AGBL1: variants seen among roughly 807,000 people sequenced by gnomAD.
AGBL1 encodes cytosolic carboxypeptidase 4.
Under a neutral mutation model 118.9 loss-of-function variants are expected in AGBL1, and 130 were observed. That is an observed-to-expected ratio of 1.09 (90% CI 0.95 to 1.26). AGBL1 has a LOEUF of 1.26. AGBL1 is among the 50% of genes most tolerant of loss of function. The pLI is 0.00. For missense variants in AGBL1, 1,584 were observed against 1,298.1 expected, an observed-to-expected ratio of 1.22 and a Z score of -3.38; for synonymous variants, 555 against 478.9, an observed-to-expected ratio of 1.16 and a Z score of -2.08.
chr15:86,478,984 A>G (rs2082605135), intron 18 of AGBL1, among the ~76,000 whole-genome samples: 1 of 152,228 alleles, frequency 6.6e-6, no homozygotes, highest in South Asian at 2.1e-4. Flanking sequence ...AAATGGGGAA[A>G]GGATTCCCTG....
chr15:86,173,318 G>A (rs1597492346), intron 5 of AGBL1: 1 of 151,888 alleles, frequency 6.6e-6, no homozygotes, highest in Non-Finnish European at 1.5e-5. Flanking sequence ...CTATTGAATT[G>A]GGTTCCTTGT....
In AGBL1 at chr15:86,857,702, C is replaced by G. The variant is rs1170762368; in HGVS notation, c.3159-49385C>G. On this transcript the variant is annotated intron_variant, in intron 22 of 22. Coordinates refer to ENST00000614907, the MANE Select transcript of AGBL1 (RefSeq NM_001386094.1). ...TCTTTCATTCAGACCTGGCTCCGTA[C>G]TAGGCTCTGAGATGCAGGAGGGCAA... Among the ~76,000 whole-genome samples, 3 of 152,168 alleles carry G rather than the reference C, an allele frequency of 2.0e-5. No individual in the cohort carries two copies. In the South Asian group the frequency reaches 6.2e-4, roughly 32 times the overall value.
intron 1 of AGBL1, among the ~76,000 whole-genome samples, chr15:86,084,615 G>C (rs1449254888): frequency 1.3e-5 from 2 of 152,128 alleles, no homozygotes; most frequent in African/African-American, 4.8e-5. Flanking sequence ...TTATTTTGAG[G>C]ATATTACCTT....
chr15:86,697,377 G>A (rs750988806), intron 22 of AGBL1, among the ~76,000 whole-genome samples: 8 of 151,790 alleles, frequency 5.3e-5, no homozygotes, highest in South Asian at 2.1e-4. Context: ...TTGCTTGTTC[G>A]ATTCTATTGC....
At chr15:87,027,886 G>A (rs376109520) in intron 24 of AGBL1, among the ~76,000 whole-genome samples, 27 of 152,006 alleles carry the variant, frequency 1.8e-4, no homozygotes, top group African/African-American at 6.0e-4. Context: ...CTCTCGAGGG[G>A]TGTAGGTGAG....
At chr15:86,555,344 G>T (rs2083719364) in intron 21 of AGBL1, among the ~76,000 whole-genome samples, 1 of 152,126 alleles carries the variant, frequency 6.6e-6, no homozygotes, top group African/African-American at 2.4e-5. Flanking sequence ...TCATTGTGTT[G>T]GCTTTGATAG....
chr15:86,562,390 A>G (rs1200152530), intron 21 of AGBL1, among the ~76,000 whole-genome samples: 1 of 152,134 alleles, frequency 6.6e-6, no homozygotes, highest in Non-Finnish European at 1.5e-5. Context: ...TTCTGCATCT[A>G]TTGAGATAAT....
intron 22 of AGBL1, among the ~76,000 whole-genome samples, chr15:86,723,578 C>T (rs1470051796): frequency 6.6e-6 from 1 of 152,022 alleles, no homozygotes; most frequent in Non-Finnish European, 1.5e-5. Context: ...ATGGGTGCAG[C>T]ACACCAACAT....
At chr15:86,732,399 A>G (rs2077537906) in intron 22 of AGBL1, among the ~76,000 whole-genome samples, 1 of 152,180 alleles carries the variant, frequency 6.6e-6, no homozygotes, top group South Asian at 2.1e-4. Context: ...GTTTGTAACT[A>G]TGTAGCTGCC....
intron 17 of AGBL1, among the ~76,000 whole-genome samples, chr15:86,340,134 C>G (rs1254791200): frequency 3.3e-5 from 5 of 152,084 alleles, no homozygotes; most frequent in Non-Finnish European, 5.9e-5. Flanking sequence ...ATTGATTGCT[C>G]TCTTTCAGGA....
intron 21 of AGBL1, among the ~76,000 whole-genome samples, chr15:86,635,990 C>T (rs2085075560): frequency 6.6e-6 from 1 of 152,072 alleles, no homozygotes; most frequent in Non-Finnish European, 1.5e-5. Flanking sequence ...GATTTAATGA[C>T]ACATTGGATT....
At chr15:86,782,718 G>A (rs540272981) in intron 22 of AGBL1, among the ~76,000 whole-genome samples, 2 of 151,820 alleles carry the variant, frequency 1.3e-5, no homozygotes, top group African/African-American at 4.9e-5. Flanking sequence ...GTGGCAATAG[G>A]GAAGTAAGAA....
At chr15:86,453,069 T>C (rs937398360) in intron 18 of AGBL1, among the ~76,000 whole-genome samples, 1 of 152,212 alleles carries the variant, frequency 6.6e-6, no homozygotes. Flanking sequence ...GTGGTGTGTT[T>C]ATTGTGTTTC....
intron 3 of AGBL1, among the ~76,000 whole-genome samples, chr15:86,147,131 G>T (rs1048024060): frequency 2.0e-5 from 3 of 152,160 alleles, no homozygotes; most frequent in Non-Finnish European, 4.4e-5. Context: ...TATTAGAGGG[G>T]AAATAGGGGG....
At chr15:86,773,812 T>C (rs2078215052) in intron 22 of AGBL1, among the ~76,000 whole-genome samples, 1 of 151,968 alleles carries the variant, frequency 6.6e-6, no homozygotes, top group Non-Finnish European at 1.5e-5. Context: ...GCTAGGTGTG[T>C]ATGGAAAAGA....
chr15:86,620,327 G>A (rs748266253), intron 21 of AGBL1, among the ~76,000 whole-genome samples: 15 of 152,128 alleles, frequency 9.9e-5, no homozygotes, highest in East Asian at 5.8e-4. Context: ...GACTTCACTC[G>A]TGGAAAAGCG....
intron 5 of AGBL1, among the ~76,000 whole-genome samples, chr15:86,193,833 C>T (rs144482521): frequency 6.8e-4 from 103 of 152,314 alleles, no homozygotes; most frequent in African/African-American, 2.0e-3. Flanking sequence ...TAACCAACCT[C>T]TTGTCATAAA....
At chr15:86,847,181 T>G (rs990587897) in intron 22 of AGBL1, among the ~76,000 whole-genome samples, 11 of 152,238 alleles carry the variant, frequency 7.2e-5, no homozygotes, top group Admixed American at 7.2e-4. Flanking sequence ...AGCATAGTGT[T>G]GTTTAGTCCT....
intron 18 of AGBL1, among the ~76,000 whole-genome samples, chr15:86,520,913 G>C (rs987924953): frequency 6.6e-6 from 1 of 152,076 alleles, no homozygotes; most frequent in Non-Finnish European, 1.5e-5. Flanking sequence ...TGTTGCTATC[G>C]GCATTGAAAA....
Sources: gnomAD v4.1 joint callset for allele counts (sites outside exome capture counted in the v4.1 genomes callset) on GRCh38, gnomAD v4.1.1 for gene constraint, MANE v1.5 for transcripts, NCBI Gene and HGNC (gene_info 2026-07-23, HGNC 2026-07-21) for gene names.